Variants in PDE8B observed in about 807,000 individuals in gnomAD.
The protein encoded by PDE8B is phosphodiesterase 8B.
Under a neutral mutation model 101.3 loss-of-function variants are expected in PDE8B, and 26 were observed. The observed-to-expected ratio is 0.26, with a 90% CI of 0.19 to 0.36. The LOEUF (loss-of-function observed/expected upper bound fraction) is 0.36, where lower values mean the gene tolerates loss of function less well. Ranked by LOEUF, PDE8B falls within the 10% of genes least tolerant of loss-of-function variation. The probability of loss-of-function intolerance (pLI) is 1.00; values close to 1 mark genes in which losing one functional copy is unlikely to be tolerated. For synonymous variants in PDE8B, 424 were observed against 429.3 expected, an observed-to-expected ratio of 0.99 and a Z score of 0.15; for missense variants, 810 against 1,163.1, an observed-to-expected ratio of 0.70 and a Z score of 4.42.
chr5:77,399,941 C>T (rs553065987), intron 10 of PDE8B, among the ~76,000 whole-genome samples: 23 of 152,242 alleles, frequency 1.5e-4, no homozygotes, highest in African/African-American at 5.5e-4. Context: ...TTTTATCTTT[C>T]TGCATTTCTG....
the PDE8B span, among the ~76,000 whole-genome samples, chr5:77,183,965 C>T: frequency 1.4e-3 from 197 of 142,800 alleles, 1 homozygote; most frequent in African/African-American, 5.4e-3. Flanking sequence ...TATTTAAATA[C>T]ATACTTTTTT....
chr5:77,369,203 CAAAAAAAAAA>C (rs70988667), intron 10 of PDE8B, among the ~76,000 whole-genome samples: 2 of 79,034 alleles, frequency 2.5e-5, no homozygotes, highest in Non-Finnish European at 4.5e-5. Flanking sequence ...TCCACTGTCT[CAAAAAAAAAA>C]AAAAAAAAAA....
intron 1 of PDE8B, among the ~76,000 whole-genome samples, chr5:77,292,590 G>A (rs191846056): frequency 1.3e-5 from 2 of 152,262 alleles, no homozygotes; most frequent in African/African-American, 4.8e-5. Flanking sequence ...GTGGAATCTG[G>A]TTATTTTGAT....
At chr5:77,419,683 T>C in intron 18 of PDE8B, 84 bp from the exon 19 acceptor site, 6 of 1,487,250 alleles carry the variant, frequency 4.0e-6, no homozygotes, top group Non-Finnish European at 5.6e-6. Context: ...TCCTAGGTTG[T>C]GAGGAGTGTA....
At chr5:77,174,545 A>G in the PDE8B span, among the ~76,000 whole-genome samples, 1 of 152,020 alleles carries the variant, frequency 6.6e-6, no homozygotes, top group African/African-American at 2.4e-5. Flanking sequence ...ACACATCTCC[A>G]TGACTATTCC....
chr5:77,300,672 G>A (rs1769720750), intron 1 of PDE8B, among the ~76,000 whole-genome samples: 1 of 152,232 alleles, frequency 6.6e-6, no homozygotes, highest in Admixed American at 6.5e-5. Flanking sequence ...TTCCATGTGT[G>A]TTAGCAAAGA....
chr5:77,235,344 G>C (rs1019427284), intron 1 of PDE8B, among the ~76,000 whole-genome samples: 1 of 152,160 alleles, frequency 6.6e-6, no homozygotes, highest in African/African-American at 2.4e-5. Context: ...AATGGCCTTT[G>C]CTGTAAAACG....
intron 1 of PDE8B, among the ~76,000 whole-genome samples, chr5:77,293,842 TC>T: frequency 6.6e-6 from 1 of 152,354 alleles, no homozygotes; most frequent in Non-Finnish European, 1.5e-5. Context: ...ATGGCAAGCA[TC>T]TTCTTTGGTG....
chr5:77,301,482 G>A (rs1769924349), intron 1 of PDE8B, among the ~76,000 whole-genome samples: 1 of 152,188 alleles, frequency 6.6e-6, no homozygotes, highest in Non-Finnish European at 1.5e-5. Context: ...GCATGCAGGA[G>A]GATGGAGGTG....
At chr5:77,398,819 C>G (rs1791636861) in intron 10 of PDE8B, among the ~76,000 whole-genome samples, 1 of 152,206 alleles carries the variant, frequency 6.6e-6, no homozygotes, top group African/African-American at 2.4e-5. Context: ...TGAGCCACAC[C>G]ATTCCACATA....
chr5:77,160,538 A>G, the PDE8B span, among the ~76,000 whole-genome samples: 1 of 152,180 alleles, frequency 6.6e-6, no homozygotes, highest in African/African-American at 2.4e-5. Flanking sequence ...CTTGATTTCT[A>G]AAGAGTTGGA....
At chr5:77,390,572 C>T (rs1789703223) in intron 10 of PDE8B, among the ~76,000 whole-genome samples, 1 of 152,222 alleles carries the variant, frequency 6.6e-6, no homozygotes, top group South Asian at 2.1e-4. Flanking sequence ...GAGAGACTGA[C>T]TGGCATGGGG....
At chr5:77,149,767 GT>G in the PDE8B span, among the ~76,000 whole-genome samples, 1 of 152,078 alleles carries the variant, frequency 6.6e-6, no homozygotes, top group Admixed American at 6.5e-5. Context: ...ATTCCTTGGT[GT>G]TTTCTATACG....
the PDE8B span, among the ~76,000 whole-genome samples, chr5:77,202,636 A>ATTT: frequency 1.8e-4 from 27 of 146,032 alleles, no homozygotes; most frequent in Non-Finnish European, 2.6e-4. Context: ...GTTATTAGTA[A>ATTT]TTTTTTTTTT....
intron 19 of PDE8B, among the ~76,000 whole-genome samples, chr5:77,421,270 G>A (rs1176076449): frequency 6.6e-6 from 1 of 152,302 alleles, no homozygotes; most frequent in South Asian, 2.1e-4. Flanking sequence ...ACATGCCTTA[G>A]GAGAACCAAA....
At chr5:77,326,282 C>T (rs1776046711) in intron 3 of PDE8B, among the ~76,000 whole-genome samples, 1 of 152,116 alleles carries the variant, frequency 6.6e-6, no homozygotes, top group Non-Finnish European at 1.5e-5. Context: ...AAACACAGGC[C>T]TGTTCATAAA....
At chr5:77,180,352 G>A in the PDE8B span, 2 of 713,274 alleles carry the variant, frequency 2.8e-6, no homozygotes, top group South Asian at 6.2e-5. Flanking sequence ...GAGGCCCGGG[G>A]AGTGGGGTGC....
At chr5:77,283,579 C>T (rs951549071) in intron 1 of PDE8B, among the ~76,000 whole-genome samples, 2 of 152,150 alleles carry the variant, frequency 1.3e-5, no homozygotes, top group African/African-American at 2.4e-5. Flanking sequence ...TGGAATCATA[C>T]AGTATATGGC....
At chr5:77,169,993 G>A in the PDE8B span, among the ~76,000 whole-genome samples, 1 of 152,180 alleles carries the variant, frequency 6.6e-6, no homozygotes, top group South Asian at 2.1e-4. Flanking sequence ...ACATGTTCCT[G>A]AATTGGTGCT....
Sources: gnomAD v4.1 joint callset for allele counts (sites outside exome capture counted in the v4.1 genomes callset) on GRCh38, gnomAD v4.1.1 for gene constraint, MANE v1.5 for transcripts, NCBI Gene and HGNC (gene_info 2026-07-23, HGNC 2026-07-21) for gene names.